EPB41L3: variants seen among roughly 807,000 people sequenced by gnomAD.
The protein encoded by EPB41L3 is erythrocyte membrane protein band 4.1 like 3.
EPB41L3 carries 57 observed loss-of-function variants against 127.1 expected under a neutral mutation model. The observed-to-expected ratio is 0.45, with a 90% CI of 0.36 to 0.56. The LOEUF (loss-of-function observed/expected upper bound fraction) is 0.56, where lower values mean the gene tolerates loss of function less well. Ranked by LOEUF, EPB41L3 falls within the 20% of genes least tolerant of loss-of-function variation. The probability of loss-of-function intolerance (pLI) is 0.00; values close to 1 mark genes in which losing one functional copy is unlikely to be tolerated. For missense variants in EPB41L3, 1,273 were observed against 1,372.2 expected (o/e 0.93, Z 1.14); for synonymous variants, 572 against 549.5 (o/e 1.04, Z -0.57).
chr18:5,466,934 T>C (rs1366733782), intron 3 of EPB41L3, among the ~76,000 whole-genome samples: 3 of 151,958 alleles, frequency 2.0e-5, no homozygotes, highest in Non-Finnish European at 4.4e-5. Flanking sequence ...TAAGCTACAA[T>C]CCTGAAAATT....
In EPB41L3 at chr18:5,583,796, G is replaced by A. The variant is rs142102582; in HGVS notation, c.-306+28544C>T. 4.6e-3 allele frequency among the ~76,000 whole-genome samples: 707 copies of A among 152,142 alleles called. 10 individuals are homozygous for A. Among genetic ancestry groups the A allele is most frequent in the Non-Finnish European group, 6.3e-3 (430 of 68,002 alleles). On this transcript the variant is annotated intron_variant, in intron 3 of 21. Transcript: ENST00000545076. ...TTTCAAGTTAGCCATTTAAAGGGAC[G>A]TGGGTCTAGAAAATAATTTTTTTTA... is the stretch of plus-strand genomic sequence containing the variant.
intron 12 of EPB41L3, among the ~76,000 whole-genome samples, chr18:5,417,876 T>C (rs1430361831): frequency 1.3e-5 from 2 of 152,162 alleles, no homozygotes; most frequent in African/African-American, 4.8e-5. Context: ...AACTTCTGCA[T>C]GAAGACAACT....
At chr18:5,554,269 G>T (rs1248717080) in intron 3 of EPB41L3, among the ~76,000 whole-genome samples, 3 of 152,144 alleles carry the variant, frequency 2.0e-5, no homozygotes, top group Admixed American at 6.5e-5. Context: ...AAAAACAGGG[G>T]TCCAGCCACC....
At chr18:5,452,002 C>T (rs1568236418) in intron 3 of EPB41L3, among the ~76,000 whole-genome samples, 1 of 152,152 alleles carries the variant, frequency 6.6e-6, no homozygotes, top group Non-Finnish European at 1.5e-5. Flanking sequence ...CCACGTCTAG[C>T]TAATTTTTGT....
intron 16 of EPB41L3, among the ~76,000 whole-genome samples, chr18:5,406,537 G>T (rs1295413786): frequency 6.6e-6 from 1 of 152,098 alleles, no homozygotes; most frequent in Non-Finnish European, 1.5e-5. Flanking sequence ...GATTTTTCAC[G>T]ATAGTCTCCC....
intron 2 of EPB41L3, among the ~76,000 whole-genome samples, chr18:5,612,653 T>C (rs904939267): frequency 2.6e-5 from 4 of 152,226 alleles, no homozygotes; most frequent in African/African-American, 9.6e-5. Context: ...CTATTTTTAC[T>C]TGCTAAAGAT....
rs2092690396 is a variant in EPB41L3 at position 5,514,866 on chromosome 18, A to G, written c.-11-25672T>C. ...GCACCCATAATATTCTCTTTTTCCA[A>G]ATTACAGGTATATAATGTTTATTTC... On this transcript the variant is annotated intron_variant, in intron 1 of 22. Transcript: ENST00000341928. Among the ~76,000 whole-genome samples, 2 of 152,292 alleles carry G rather than the reference A, an allele frequency of 1.3e-5. 1 individual carries two copies. Among genetic ancestry groups the G allele is most frequent in the Middle Eastern group, 6.8e-3 (2 of 294 alleles).
intron 1 of EPB41L3, chr18:5,528,899 A>G (rs2093324125): frequency 6.6e-6 from 1 of 152,258 alleles, no homozygotes; most frequent in South Asian, 2.1e-4. Context: ...CACCTGGCCC[A>G]TCCTCTAGTT....
At chr18:5,626,174 A>G (rs1010680261) in intron 1 of EPB41L3, among the ~76,000 whole-genome samples, 4 of 152,250 alleles carry the variant, frequency 2.6e-5, no homozygotes, top group Non-Finnish European at 5.9e-5. Context: ...TGGTGCTTGC[A>G]TTAGTTTTGG....
Position 5,406,870 on chromosome 18 carries a change from C to T in EPB41L3, c.2256G>A (p.Thr752=), listed in dbSNP as rs375906975. The change falls in exon 16 of 23, where the codon ACG becomes ACA. Residue 752 remains threonine, a synonymous_variant. Coordinates refer to ENST00000341928, the MANE Select transcript of EPB41L3 (RefSeq NM_012307.5). Reference sequence around the variant, plus strand: ...TGGAAAGCCTCTTCTCCCATTCATTCGTTACGGCAGTGTCTGTTGAGGTTT... The same window carrying T: ...TGGAAAGCCTCTTCTCCCATTCATTTGTTACGGCAGTGTCTGTTGAGGTTT... The part of the protein sequence containing the change: ...FLETSTDTAV[T]NEWEKRLSTS... 8.7e-6 allele frequency: 14 copies of T among 1,614,070 alleles called. No individual in the cohort carries two copies. The African/African-American group carries it at 1.2e-4, about 14-fold the overall frequency.
intron 22 of EPB41L3, 170 bp from the exon 23 acceptor site, chr18:5,393,648 C>T (rs566514872): frequency 4.1e-6 from 2 of 490,680 alleles, no homozygotes; most frequent in Admixed American, 3.9e-5. Flanking sequence ...TAAGTAATTA[C>T]AACAACGCCC....
chr18:5,521,429 G>A (rs2092984352), intron 1 of EPB41L3: 1 of 152,184 alleles, frequency 6.6e-6, no homozygotes, highest in South Asian at 2.1e-4. Context: ...CCAAATGCCA[G>A]GAATTTGTCA....
intron 3 of EPB41L3, among the ~76,000 whole-genome samples, chr18:5,474,828 T>C (rs774426324): frequency 2.3e-4 from 35 of 152,182 alleles, no homozygotes; most frequent in Non-Finnish European, 3.8e-4. Flanking sequence ...GGATGTGATA[T>C]GGTCTGAGGC....
chr18:5,472,580 AAC>A (rs1363672433), intron 3 of EPB41L3, among the ~76,000 whole-genome samples: 1 of 152,224 alleles, frequency 6.6e-6, no homozygotes, highest in Non-Finnish European at 1.5e-5. Context: ...ATTGGTTTAA[AAC>A]AGTCCTTATT....
chr18:5,484,802 C>T (rs1386882714), intron 2 of EPB41L3, among the ~76,000 whole-genome samples: 1 of 151,542 alleles, frequency 6.6e-6, no homozygotes, highest in Non-Finnish European at 1.5e-5. Flanking sequence ...AACAGAAAAC[C>T]TCAACAAAAT....
At chr18:5,424,230 C>G (rs774601935) in intron 10 of EPB41L3, 32 bp downstream of exon 10, 2 of 1,451,010 alleles carry the variant, frequency 1.4e-6, no homozygotes, top group Admixed American at 4.5e-5. Context: ...ATAATTATTC[C>G]TTAGGGAAAA....
chr18:5,400,017 T>A (rs1025119401), intron 16 of EPB41L3: 1 of 154,928 alleles, frequency 6.5e-6, no homozygotes, highest in African/African-American at 2.4e-5. Flanking sequence ...GTCTTACATT[T>A]TTTTTTTAAA....
intron 13 of EPB41L3, among the ~76,000 whole-genome samples, chr18:5,415,049 G>A (rs941991427): frequency 3.9e-5 from 6 of 152,216 alleles, no homozygotes; most frequent in African/African-American, 1.4e-4. Flanking sequence ...AAGAATCGCT[G>A]TCATATTATC....
In EPB41L3 at chr18:5,433,803, G is replaced by A. The variant is rs145368874; in HGVS notation, c.824+100C>T. 7.6e-6 allele frequency: 10 copies of A among 1,315,544 alleles called. No individual in the cohort carries two copies. Among genetic ancestry groups the A allele is most frequent in the African/African-American group, 1.4e-5 (1 of 69,048 alleles). 81.5% of individuals were successfully genotyped at this position (1,315,544 alleles called of 1,614,324 possible). ...TGGACCCACACTATGCTCACGTCTC[G>A]CCGTTAATGGACTGAAATCAGTACT... On this transcript the variant is annotated intron_variant, in intron 7 of 22. Coordinates refer to ENST00000341928, the MANE Select transcript of EPB41L3 (RefSeq NM_012307.5).
Sources: gnomAD v4.1 joint callset for allele counts (sites outside exome capture counted in the v4.1 genomes callset) on GRCh38, gnomAD v4.1.1 for gene constraint, MANE v1.5 for transcripts, NCBI Gene and HGNC (gene_info 2026-07-23, HGNC 2026-07-21) for gene names.